The following SLC39A11 variants were observed in gnomAD, a reference collection of about 807,000 sequenced individuals.
SLC39A11 encodes the protein solute carrier family 39 member 11, also known as zinc transporter ZIP11.
In SLC39A11, 33 loss-of-function variants were observed where a neutral mutation model predicts 36.1. That is an observed-to-expected ratio of 0.91 (90% CI 0.69 to 1.22). SLC39A11 has a LOEUF of 1.22. Ranked by LOEUF, SLC39A11 falls within the 50% of genes most tolerant of loss-of-function variation. The pLI, the probability that SLC39A11 is intolerant of heterozygous loss-of-function variation, is 0.00. For synonymous variants in SLC39A11, 166 were observed against 170.3 expected (o/e 0.97, Z 0.20); for missense variants, 432 against 430.3 (o/e 1.00, Z -0.03).
chr17:72,884,311 G>A (rs374770339), intron 5 of SLC39A11, among the ~76,000 whole-genome samples: 1 of 152,198 alleles, frequency 6.6e-6, no homozygotes, highest in African/African-American at 2.4e-5. Context: ...CCATTTGCAG[G>A]GCCAGTGCAC....
At chr17:72,881,496 C>A (rs922725795) in intron 5 of SLC39A11, among the ~76,000 whole-genome samples, 8 of 152,152 alleles carry the variant, frequency 5.3e-5, no homozygotes, top group Non-Finnish European at 7.4e-5. Context: ...AAGTAAGTTT[C>A]TTTTCTGTAG....
At chr17:73,081,632 TACACACAC>T (rs57284292) in intron 3 of SLC39A11, among the ~76,000 whole-genome samples, 32,573 of 109,610 alleles carry the variant, frequency 0.3, 5,184 homozygotes, top group Middle Eastern at 0.51. Flanking sequence ...TATATATACA[TACACACAC>T]ACACACACAC....
At chr17:72,863,880 T>G (rs2080170983) in intron 5 of SLC39A11, among the ~76,000 whole-genome samples, 1 of 152,202 alleles carries the variant, frequency 6.6e-6, no homozygotes, top group African/African-American at 2.4e-5. Flanking sequence ...CTGCCTCCTT[T>G]TTCCCCTTTC....
chr17:72,811,227 T>A (rs1456034030), intron 6 of SLC39A11, among the ~76,000 whole-genome samples: 1 of 152,146 alleles, frequency 6.6e-6, no homozygotes, highest in Non-Finnish European at 1.5e-5. Context: ...AGTGTCAGAC[T>A]GCCAACTTCT....
intron 5 of SLC39A11, among the ~76,000 whole-genome samples, chr17:72,895,345 A>G (rs4598977): frequency 0.65 from 99,535 of 152,050 alleles, 34,620 homozygotes; most frequent in African/African-American, 0.91. Context: ...TTGGGAGGCC[A>G]AGGTGGGAGG....
chr17:72,753,594 G>C (rs1230757659), intron 6 of SLC39A11, among the ~76,000 whole-genome samples: 1 of 152,004 alleles, frequency 6.6e-6, no homozygotes, highest in Non-Finnish European at 1.5e-5. Context: ...TGGGCTCCCT[G>C]TTTTCTCCAG....
chr17:72,800,858 T>C (rs2077061516), intron 6 of SLC39A11, among the ~76,000 whole-genome samples: 1 of 152,152 alleles, frequency 6.6e-6, no homozygotes, highest in East Asian at 1.9e-4. Context: ...TGCTTAGAAT[T>C]TAGACAGAAT....
intron 5 of SLC39A11, among the ~76,000 whole-genome samples, chr17:72,929,148 C>T (rs1387047901): frequency 2.6e-5 from 4 of 152,154 alleles, no homozygotes; most frequent in Non-Finnish European, 5.9e-5. Flanking sequence ...GGAATTCAAA[C>T]TCCTTGGGTC....
chr17:73,051,012 C>A (rs2059479328), intron 3 of SLC39A11, among the ~76,000 whole-genome samples: 1 of 152,186 alleles, frequency 6.6e-6, no homozygotes, highest in South Asian at 2.1e-4. Flanking sequence ...GCTGCTATAA[C>A]AAAAGACTGC....
At position 72,648,940 on chromosome 17, in the gene SLC39A11, C is replaced by T. The variant is rs1202869268; in HGVS notation, c.792G>A (p.Met264Ile). 32 of 1,613,206 alleles carry T rather than the reference C, an allele frequency of 2.0e-5. No individual in the cohort carries two copies. Among genetic ancestry groups the T allele is most frequent in the Non-Finnish European group, 2.6e-5 (31 of 1,179,570 alleles). The stretch of plus-strand genomic sequence containing the variant: ...CAAAGACCCCGGCCAGGGGCTCCAC[C>T]ATGCCGCTCAGCTGCCCATACCTAA... ...RAFWYGQLSG[M>I]VEPLAGVFGA... The change falls in exon 9 of 10, where the codon ATG becomes ATA. Residue 264 changes from methionine to isoleucine, a missense_variant. Transcript: ENST00000255559.
intron 4 of SLC39A11, among the ~76,000 whole-genome samples, chr17:72,962,738 C>T (rs1384652814): frequency 6.6e-6 from 1 of 152,036 alleles, no homozygotes; most frequent in Non-Finnish European, 1.5e-5. Context: ...GGTTTCATCA[C>T]ATTGGTGAGG....
intron 7 of SLC39A11, among the ~76,000 whole-genome samples, chr17:72,686,486 A>G (rs1377608671): frequency 6.6e-6 from 1 of 152,126 alleles, no homozygotes; most frequent in Non-Finnish European, 1.5e-5. Flanking sequence ...GATAGTAAAG[A>G]CAGGTGCACC....
intron 5 of SLC39A11, among the ~76,000 whole-genome samples, chr17:72,861,030 C>T (rs1233115206): frequency 2.6e-5 from 4 of 152,128 alleles, no homozygotes; most frequent in Non-Finnish European, 4.4e-5. Flanking sequence ...GTTTCTGCCA[C>T]GAACTAGTAT....
intron 3 of SLC39A11, among the ~76,000 whole-genome samples, chr17:73,075,956 G>C (rs1004965531): frequency 6.6e-6 from 1 of 152,178 alleles, no homozygotes; most frequent in Non-Finnish European, 1.5e-5. Flanking sequence ...ACCTCAAAGA[G>C]TCATTCTTAT....
At chr17:72,971,629 G>C (rs1016592593) in intron 4 of SLC39A11, among the ~76,000 whole-genome samples, 1 of 152,198 alleles carries the variant, frequency 6.6e-6, no homozygotes, top group Admixed American at 6.5e-5. Context: ...GAGCACCAAC[G>C]TGAAGGCGGG....
chr17:72,676,105 T>G (rs1328952020), intron 7 of SLC39A11, among the ~76,000 whole-genome samples: 2 of 120,728 alleles, frequency 1.7e-5, no homozygotes, highest in African/African-American at 3.0e-5. Context: ...CACACACACT[T>G]GCTGTATTAA....
intron 6 of SLC39A11, chr17:72,839,802 A>G (rs954437767): frequency 1.3e-5 from 2 of 152,226 alleles, no homozygotes; most frequent in African/African-American, 2.4e-5. Context: ...ACTTCTGTGC[A>G]TAAGTTGAGG....
At chr17:73,059,423 T>C (rs988506855) in intron 3 of SLC39A11, among the ~76,000 whole-genome samples, 1 of 151,964 alleles carries the variant, frequency 6.6e-6, no homozygotes, top group Non-Finnish European at 1.5e-5. Context: ...CCCAGCACTT[T>C]GGGGAGGCTG....
At chr17:72,981,731 T>C (rs1314167177) in intron 4 of SLC39A11, among the ~76,000 whole-genome samples, 1 of 152,048 alleles carries the variant, frequency 6.6e-6, no homozygotes, top group Non-Finnish European at 1.5e-5. Flanking sequence ...AAAATCTACA[T>C]GGTTGGAAGC....
Sources: allele counts gnomAD v4.1 joint callset (sites outside exome capture counted in the v4.1 genomes callset), GRCh38; gene constraint gnomAD v4.1.1; transcripts MANE v1.5; gene names NCBI Gene and HGNC (gene_info 2026-07-23, HGNC 2026-07-21).